Variants in CADM2 observed in about 807,000 individuals in gnomAD.
CADM2 encodes the protein cell adhesion molecule 2.
CADM2 carries 12 observed loss-of-function variants against 49.8 expected under a neutral mutation model. That is an observed-to-expected ratio of 0.24 (90% CI 0.15 to 0.39). The LOEUF (loss-of-function observed/expected upper bound fraction) is 0.39. Ranked by LOEUF, CADM2 falls within the 10% of genes least tolerant of loss-of-function variation. The probability of loss-of-function intolerance (pLI) is 1.00; values close to 1 mark genes in which losing one functional copy is unlikely to be tolerated. For synonymous variants in CADM2, 214 were observed against 175.4 expected, an observed-to-expected ratio of 1.22 and a Z score of -1.74; for missense variants, 378 against 492.3, an observed-to-expected ratio of 0.77 and a Z score of 2.20.
chr3:85,059,527 T>C (rs1341467458), intron 1 of CADM2, among the ~76,000 whole-genome samples: 3 of 152,154 alleles, frequency 2.0e-5, no homozygotes, highest in Admixed American at 6.5e-5. Flanking sequence ...CATGTTGATA[T>C]GGTTTGGCTG....
intron 3 of CADM2, among the ~76,000 whole-genome samples, chr3:85,851,834 G>T (rs1171277935): frequency 6.6e-6 from 1 of 151,926 alleles, no homozygotes; most frequent in Non-Finnish European, 1.5e-5. Flanking sequence ...AGACACCAAA[G>T]ATTTTCATCT....
At chr3:85,338,723 A>G (rs1242541527) in intron 1 of CADM2, among the ~76,000 whole-genome samples, 1 of 151,498 alleles carries the variant, frequency 6.6e-6, no homozygotes, top group Non-Finnish European at 1.5e-5. Flanking sequence ...CCTAAGGTCT[A>G]TGTTCTTTTC....
intron 1 of CADM2, among the ~76,000 whole-genome samples, chr3:85,206,700 T>C (rs998341800): frequency 2.6e-5 from 4 of 152,150 alleles, no homozygotes; most frequent in African/African-American, 2.4e-5. Context: ...TGCTTTTCAT[T>C]GTCTTTTTTT....
chr3:85,686,355 A>T (rs1478272782), intron 1 of CADM2, among the ~76,000 whole-genome samples: 4 of 152,192 alleles, frequency 2.6e-5, no homozygotes, highest in African/African-American at 7.2e-5. Flanking sequence ...ATGAATTTTT[A>T]AAAAATGGTA....
intron 8 of CADM2, among the ~76,000 whole-genome samples, chr3:86,030,084 G>A (rs1734375821): frequency 6.6e-6 from 1 of 151,674 alleles, no homozygotes; most frequent in Admixed American, 6.6e-5. Flanking sequence ...AGTATAGAGA[G>A]GTTTAATGAA....
chr3:85,030,783 T>C (rs982488480), intron 1 of CADM2, among the ~76,000 whole-genome samples: 2 of 152,126 alleles, frequency 1.3e-5, no homozygotes, highest in Non-Finnish European at 2.9e-5. Context: ...GGTTTGTGAA[T>C]TAAGTTCTCT....
At chr3:85,826,181 A>G (rs2073900428) in intron 3 of CADM2, among the ~76,000 whole-genome samples, 1 of 152,008 alleles carries the variant, frequency 6.6e-6, no homozygotes, top group Non-Finnish European at 1.5e-5. Flanking sequence ...CATTTATTAT[A>G]TATTTTTCAA....
At chr3:85,048,212 T>C (rs1248977040) in intron 1 of CADM2, among the ~76,000 whole-genome samples, 1 of 152,182 alleles carries the variant, frequency 6.6e-6, no homozygotes, top group East Asian at 1.9e-4. Flanking sequence ...AGGAGAGTGA[T>C]TTGTTTTGTT....
At chr3:85,273,761 G>A (rs2043298114) in intron 1 of CADM2, among the ~76,000 whole-genome samples, 1 of 149,908 alleles carries the variant, frequency 6.7e-6, no homozygotes, top group Admixed American at 6.6e-5. Context: ...TCTTGGAGGT[G>A]TAAGCTCAGA....
chr3:85,107,856 C>T (rs910711122), intron 1 of CADM2, among the ~76,000 whole-genome samples: 13 of 151,768 alleles, frequency 8.6e-5, no homozygotes, highest in Admixed American at 5.3e-4. Flanking sequence ...TGCACCATCA[C>T]ACCCAGCTAA....
At chr3:85,553,628 C>T (rs2061873918) in intron 1 of CADM2, among the ~76,000 whole-genome samples, 1 of 152,082 alleles carries the variant, frequency 6.6e-6, no homozygotes, top group Admixed American at 6.5e-5. Flanking sequence ...ACATAAGACT[C>T]CAGGAAGAGT....
intron 3 of CADM2, among the ~76,000 whole-genome samples, chr3:85,864,870 C>A (rs2075666737): frequency 6.6e-6 from 1 of 152,074 alleles, no homozygotes; most frequent in Non-Finnish European, 1.5e-5. Context: ...CTTCTTTTTG[C>A]TATCTTTTTT....
chr3:85,731,964 T>C (rs2067950565), intron 2 of CADM2, among the ~76,000 whole-genome samples: 3 of 151,596 alleles, frequency 2.0e-5, no homozygotes. Context: ...ATTTTAAAAG[T>C]GGGCCGGGTG....
At chr3:85,626,415 T>C (rs2064132361) in intron 1 of CADM2, among the ~76,000 whole-genome samples, 1 of 151,922 alleles carries the variant, frequency 6.6e-6, no homozygotes, top group Non-Finnish European at 1.5e-5. Flanking sequence ...ATCAAATGTC[T>C]CACCCATGAA....
chr3:85,082,133 G>A (rs777239913), intron 1 of CADM2, among the ~76,000 whole-genome samples: 4 of 152,070 alleles, frequency 2.6e-5, no homozygotes, highest in Non-Finnish European at 5.9e-5. Flanking sequence ...CAGATCACAA[G>A]CGTCTCTTCT....
intron 2 of CADM2, among the ~76,000 whole-genome samples, chr3:85,749,385 C>T (rs1030682514): frequency 7.9e-5 from 12 of 151,824 alleles, no homozygotes; most frequent in Non-Finnish European, 1.5e-4. Flanking sequence ...AAATAATTAG[C>T]GTGATAATTA....
chr3:85,311,378 T>A (rs936009280), intron 1 of CADM2, among the ~76,000 whole-genome samples: 2 of 149,468 alleles, frequency 1.3e-5, no homozygotes, highest in Non-Finnish European at 3.0e-5. Flanking sequence ...TTATTATTAT[T>A]ATTATTATTT....
chr3:85,924,406 A>G (rs9874223), intron 6 of CADM2, among the ~76,000 whole-genome samples: 5,812 of 151,994 alleles, frequency 0.038, 368 homozygotes, highest in African/African-American at 0.13. Context: ...CCTGGCCAAC[A>G]TGGAGGAAAC....
intron 1 of CADM2, among the ~76,000 whole-genome samples, chr3:85,139,675 A>G (rs1559684245): frequency 6.6e-6 from 1 of 152,168 alleles, no homozygotes. Context: ...AAGCCATGTA[A>G]TAGAATAGTC....
Sources: gnomAD v4.1 joint callset for allele counts (sites outside exome capture counted in the v4.1 genomes callset) on GRCh38, gnomAD v4.1.1 for gene constraint, MANE v1.5 for transcripts, NCBI Gene and HGNC (gene_info 2026-07-23, HGNC 2026-07-21) for gene names.